The following TEAD2 variants were observed in gnomAD, a reference collection of about 807,000 sequenced individuals.
TEAD2 encodes transcriptional enhancer factor TEF-4.
A neutral mutation model predicts 61.4 loss-of-function variants in TEAD2; 51 were observed. That is an observed-to-expected ratio of 0.83 (90% CI 0.66 to 1.05). TEAD2 has a LOEUF of 1.05. Ranked by LOEUF, TEAD2 falls within the 50% of genes least tolerant of loss-of-function variation. TEAD2 has a pLI of 0.00. For synonymous variants in TEAD2, 244 were observed against 243.2 expected, an observed-to-expected ratio of 1.00 and a Z score of -0.03; for missense variants, 509 against 600.0, an observed-to-expected ratio of 0.85 and a Z score of 1.58.
In TEAD2 at chr19:49,342,541, C is replaced by T. The variant is rs757312439; in HGVS notation, c.1139G>A (p.Arg380His). The change falls in exon 12 of 13, where the codon CGC becomes CAC. Residue 380 changes from arginine (R) to histidine (H), a missense_variant. Arg to His is a conservative substitution (Grantham distance 29, BLOSUM62 0). Transcript: ENST00000593945. ...EDGRFVYRLL[R>H]SPMCEYLVNF... is the part of the protein sequence containing the mutation. ...CACCAGGTACTCGCACATGGGCGAG[C>T]GCAGCAGGCGGTACACAAATCTGCC... The T allele has an allele frequency of 6.2e-6, 10 of 1,613,922 alleles. No homozygotes were observed. Among genetic ancestry groups the T allele is most frequent in the South Asian group, 5.5e-5 (5 of 91,088 alleles).
At chr19:49,348,087 A>G (rs1971766870) in intron 9 of TEAD2, among the ~76,000 whole-genome samples, 1 of 152,244 alleles carries the variant, frequency 6.6e-6, no homozygotes, top group South Asian at 2.1e-4. Flanking sequence ...TCTGCTGGCC[A>G]GATGCAGAGA....
At chr19:49,356,936 C>G (rs934583390) in intron 4 of TEAD2, among the ~76,000 whole-genome samples, 1 of 151,866 alleles carries the variant, frequency 6.6e-6, no homozygotes, top group Non-Finnish European at 1.5e-5. Flanking sequence ...CTGTCCCCCT[C>G]TGTCTCTGGG....
chr19:49,353,085 A>T (rs1470098639), intron 7 of TEAD2, among the ~76,000 whole-genome samples: 1 of 151,480 alleles, frequency 6.6e-6, no homozygotes, highest in Non-Finnish European at 1.5e-5. Context: ...TGCCTAATAT[A>T]TTCCCACTCC....
intron 5 of TEAD2, 114 bp downstream of exon 5, chr19:49,355,845 A>G: frequency 9.7e-7 from 1 of 1,034,276 alleles, no homozygotes. Flanking sequence ...AAAAAAAGGC[A>G]AAGGCTTGGG....
In TEAD2 at chr19:49,347,349, C is replaced by T. The variant is rs768896754; in HGVS notation, c.762G>A (p.Leu254=). The T allele has an allele frequency of 1.2e-6, 2 of 1,610,564 alleles. No homozygotes were observed. Among genetic ancestry groups the T allele is most frequent in the Non-Finnish European group, 1.7e-6 (2 of 1,179,918 alleles). Reference sequence around the variant, plus strand: ...GGCAGTGCTGGCTGATGTGCACGAACAGGTGCCTCTGGTACTGAGGAGGGT... The same window carrying T: ...GGCAGTGCTGGCTGATGTGCACGAATAGGTGCCTCTGGTACTGAGGAGGGT... ...PDAVDSYQRH[L]FVHISQHCPS... is the part of the protein sequence containing the mutation. Residue 254 remains leucine, a synonymous_variant, in exon 10 of 13, where the codon CTG becomes CTA. Transcript: ENST00000593945.
At chr19:49,343,854 T>C (rs61318211) in intron 10 of TEAD2, among the ~76,000 whole-genome samples, 3 of 111,208 alleles carry the variant, frequency 2.7e-5, no homozygotes, top group Non-Finnish European at 5.8e-5. Context: ...GTCTTTTTTT[T>C]TGGGGGGGGG....
rs554806626 is a variant in TEAD2 at position 49,345,473 on chromosome 19, C to T, written c.921+1717G>A. ...GCTTAAGTGATCCTCCTGCCTCAGC[C>T]TCCACAGAAGCTAGGACCACAGGTG... is the stretch of plus-strand genomic sequence containing the variant. On this transcript the variant is annotated intron_variant, in intron 10 of 12. Transcript: ENST00000593945. Among the ~76,000 whole-genome samples, 5 of 152,250 alleles carry T rather than the reference C, an allele frequency of 3.3e-5. No individual in the cohort carries two copies. The South Asian group carries it at 1.0e-3, about 32-fold the overall frequency.
intron 4 of TEAD2, among the ~76,000 whole-genome samples, chr19:49,356,645 C>T (rs1481624651): frequency 6.6e-6 from 1 of 151,774 alleles, no homozygotes; most frequent in Non-Finnish European, 1.5e-5. Flanking sequence ...CTTCACAGCA[C>T]AAGAGGGGGA....
chr19:49,344,767 C>T (rs1206375890), intron 10 of TEAD2, among the ~76,000 whole-genome samples: 1 of 152,134 alleles, frequency 6.6e-6, no homozygotes, highest in African/African-American at 2.4e-5. Flanking sequence ...CCTGAGGAGG[C>T]CTGACTCCTC....
At chr19:49,346,513 C>T (rs1971651278) in intron 10 of TEAD2, among the ~76,000 whole-genome samples, 1 of 151,900 alleles carries the variant, frequency 6.6e-6, no homozygotes, top group East Asian at 1.9e-4. Flanking sequence ...AAAAATTAGC[C>T]AGATGTGGTG....
At chr19:49,342,665 C>A (rs775371261) in intron 11 of TEAD2, 75 bp from the exon 12 acceptor site, 46 of 1,563,080 alleles carry the variant, frequency 2.9e-5, no homozygotes, top group Non-Finnish European at 3.8e-5. Context: ...TGAGCTCCAC[C>A]CTGTGCCTCT....
Position 49,359,647 on chromosome 19 carries a change from C to T in TEAD2, c.233-148G>A. The stretch of plus-strand genomic sequence containing the variant: ...TCCCCTCAGCTACGTGGAAGCCAGA[C>T]TGCTTGGGTTCAAATCCCAGCTCCA... On this transcript the variant is annotated intron_variant, in intron 2 of 12. Coordinates refer to ENST00000593945, the MANE Select transcript of TEAD2 (RefSeq NM_001256660.2). This position sits in a 1 kb window ranked among gnomAD's most constrained non-coding sequence, Gnocchi z 4.1. The T allele has an allele frequency of 1.8e-6, 2 of 1,092,496 alleles. No individual in the cohort carries two copies. The highest frequency in any genetic ancestry group is 2.7e-6 in the Non-Finnish European group (2 of 736,212). 67.7% of individuals were successfully genotyped at this position (1,092,496 alleles called of 1,614,324 possible). A position where few individuals can be genotyped will look rare whatever the true frequency, so the allele number is the denominator to read the frequency against.
At chr19:49,354,959 C>G (rs1972276465) in intron 7 of TEAD2, among the ~76,000 whole-genome samples, 189 bp downstream of exon 7, 1 of 152,198 alleles carries the variant, frequency 6.6e-6, no homozygotes, top group South Asian at 2.1e-4. Context: ...GATCGCACCA[C>G]TGTACTCCAT....
At chr19:49,348,204 A>T (rs1291190309) in intron 9 of TEAD2, among the ~76,000 whole-genome samples, 2 of 152,194 alleles carry the variant, frequency 1.3e-5, no homozygotes, top group Non-Finnish European at 2.9e-5. Flanking sequence ...ACCTACATTG[A>T]AATGTTACAT....
At chr19:49,353,380 C>T (rs1438855635) in intron 7 of TEAD2, among the ~76,000 whole-genome samples, 2 of 151,426 alleles carry the variant, frequency 1.3e-5, no homozygotes, top group East Asian at 1.9e-4. Flanking sequence ...ATTACAGATG[C>T]GGGCCACCAT....
chr19:49,351,260 G>A, intron 8 of TEAD2, 41 bp downstream of exon 8: 1 of 1,581,468 alleles, frequency 6.3e-7, no homozygotes, highest in Non-Finnish European at 8.6e-7. Context: ...GGGTCGAAGA[G>A]AGAGAGGGGA....
chr19:49,348,927 A>G, intron 8 of TEAD2, 82 bp from the exon 9 acceptor site: 1 of 1,419,994 alleles, frequency 7.0e-7, no homozygotes, highest in East Asian at 2.7e-5. Context: ...GCCTGCCTCC[A>G]CTTAGAAGCT....
At chr19:49,357,654 C>T (rs1012026225) in intron 3 of TEAD2, 4 of 368,656 alleles carry the variant, frequency 1.1e-5, no homozygotes, top group East Asian at 4.8e-5. Context: ...TTCGGACATT[C>T]GTCCCTTCCA....
At chr19:49,349,335 T>C (rs565339501) in intron 8 of TEAD2, among the ~76,000 whole-genome samples, 1 of 152,090 alleles carries the variant, frequency 6.6e-6, no homozygotes, top group Non-Finnish European at 1.5e-5. Context: ...TGGTGGCACG[T>C]GCCTGTAATC....
Sources: gnomAD v4.1 joint callset for allele counts (sites outside exome capture counted in the v4.1 genomes callset) on GRCh38, gnomAD v4.1.1 for gene constraint, Gnocchi (gnomAD v3.1) non-coding constraint, MANE v1.5 for transcripts, NCBI Gene and HGNC (gene_info 2026-07-23, HGNC 2026-07-21) for gene names.